Variants in UBE2E3 observed in about 807,000 individuals in gnomAD.
UBE2E3 encodes the protein ubiquitin conjugating enzyme E2 E3.
A neutral mutation model predicts 23.6 loss-of-function variants in UBE2E3; 5 were observed. The ratio of observed to expected loss-of-function variants is 0.21; its 90% CI spans 0.11 to 0.44. UBE2E3 has a LOEUF of 0.44. UBE2E3 is among the 20% of genes least tolerant of loss of function. The pLI is 0.99. For synonymous variants in UBE2E3, 78 were observed against 87.5 expected (o/e 0.89, Z 0.60); for missense variants, 81 against 249.8 (o/e 0.32, Z 4.55).
At chr2:181,038,752 C>G (rs535171764) in intron 3 of UBE2E3, among the ~76,000 whole-genome samples, 1 of 152,244 alleles carries the variant, frequency 6.6e-6, no homozygotes, top group Non-Finnish European at 1.5e-5. Context: ...TCTTAATAGA[C>G]AAACCAATTT....
intron 3 of UBE2E3, among the ~76,000 whole-genome samples, chr2:181,017,049 G>A (rs1685513623): frequency 6.6e-6 from 1 of 152,220 alleles, no homozygotes. Context: ...AGAGTGAGGA[G>A]CAGCTGGATT....
chr2:181,050,204 A>AG (rs1686783683), intron 3 of UBE2E3, among the ~76,000 whole-genome samples: 1 of 151,962 alleles, frequency 6.6e-6, no homozygotes, highest in Non-Finnish European at 1.5e-5. Flanking sequence ...CAGTTATTGA[A>AG]GGTGTTTCAA....
chr2:181,043,902 GTGATTTAACCGTTAT>G (rs1043038172), intron 3 of UBE2E3, among the ~76,000 whole-genome samples: 7 of 152,128 alleles, frequency 4.6e-5, no homozygotes, highest in Admixed American at 6.6e-5. Context: ...AAAACCGTAA[GTGATTTAACCGTTAT>G]TTCGTTGGAC....
intron 3 of UBE2E3, among the ~76,000 whole-genome samples, chr2:180,999,626 C>T (rs1684934585): frequency 6.6e-6 from 1 of 151,766 alleles, no homozygotes; most frequent in Non-Finnish European, 1.5e-5. Flanking sequence ...AGGCACCCTC[C>T]CGCCCTCCAC....
chr2:181,007,959 T>G (rs919322096), intron 3 of UBE2E3, among the ~76,000 whole-genome samples: 4 of 152,252 alleles, frequency 2.6e-5, no homozygotes, highest in African/African-American at 9.6e-5. Context: ...GAAAAGTTTG[T>G]TAATCCTTAT....
chr2:181,001,664 C>T (rs1684994634), intron 3 of UBE2E3, among the ~76,000 whole-genome samples: 1 of 152,056 alleles, frequency 6.6e-6, no homozygotes, highest in Non-Finnish European at 1.5e-5. Flanking sequence ...CATGTAAAGG[C>T]CATAGGAAAT....
intron 3 of UBE2E3, among the ~76,000 whole-genome samples, chr2:181,025,660 A>C (rs1685861616): frequency 6.6e-6 from 1 of 151,924 alleles, no homozygotes; most frequent in Admixed American, 6.6e-5. Flanking sequence ...GGCCATTATT[A>C]ATTTTGTATT....
chr2:181,009,662 C>G (rs1685258325), intron 3 of UBE2E3, among the ~76,000 whole-genome samples: 2 of 151,968 alleles, frequency 1.3e-5, no homozygotes, highest in South Asian at 4.1e-4. Context: ...AGTGAACATA[C>G]TATTTTCTTT....
At chr2:181,058,481 C>G (rs1441848998) in intron 4 of UBE2E3, among the ~76,000 whole-genome samples, 1 of 151,586 alleles carries the variant, frequency 6.6e-6, no homozygotes, top group Admixed American at 6.6e-5. Flanking sequence ...TTGAATGGCT[C>G]CCTCCGCTAA....
intron 3 of UBE2E3, among the ~76,000 whole-genome samples, chr2:181,014,081 A>AT (rs1292529197): frequency 2.6e-5 from 4 of 152,150 alleles, no homozygotes; most frequent in Admixed American, 6.6e-5. Flanking sequence ...AAAGATGTGG[A>AT]TGGTGAAGGA....
intron 3 of UBE2E3, among the ~76,000 whole-genome samples, chr2:181,027,065 T>C (rs1559126537): frequency 1.3e-5 from 2 of 152,074 alleles, no homozygotes; most frequent in East Asian, 1.9e-4. Flanking sequence ...TTCTAACTTA[T>C]CCTACTACTA....
chr2:180,997,371 C>T lies in UBE2E3; in HGVS notation c.245+13278C>T, dbSNP rs544455929. 7.4e-4 allele frequency among the ~76,000 whole-genome samples: 112 copies of T among 151,728 alleles called. 3 individuals carry two copies. The South Asian group carries it at 0.023, about 31-fold the overall frequency. On this transcript the variant is annotated intron_variant, in intron 3 of 5. Coordinates refer to ENST00000410062, the MANE Select transcript of UBE2E3 (RefSeq NM_006357.4). Reference sequence around the variant, plus strand: ...GTAATACTAGCTGTTAGTATTTTTTCATATGACTTATTCTGTTTCTTTTTT... The same window carrying T: ...GTAATACTAGCTGTTAGTATTTTTTTATATGACTTATTCTGTTTCTTTTTT...
At position 181,033,472 on chromosome 2, in the gene UBE2E3, G is replaced by T. The variant is rs190579239; in HGVS notation, c.246-24221G>T. Reference sequence around the variant, plus strand: ...TAAATGGTGCTGGGAAAAGTGGCTAGCCATATGTAGAAAGCTGAAACTGGA... The same window carrying T: ...TAAATGGTGCTGGGAAAAGTGGCTATCCATATGTAGAAAGCTGAAACTGGA... On this transcript the variant is annotated intron_variant, in intron 3 of 5. Transcript: ENST00000410062. Among the ~76,000 whole-genome samples, 15 of 152,330 alleles carry T rather than the reference G, an allele frequency of 9.8e-5. No individual in the cohort carries two copies. The East Asian group carries it at 2.7e-3, about 27-fold the overall frequency.
At chr2:181,019,945 C>G (rs1685621748) in intron 3 of UBE2E3, among the ~76,000 whole-genome samples, 1 of 152,104 alleles carries the variant, frequency 6.6e-6, no homozygotes, top group Admixed American at 6.5e-5. Context: ...ATCTCCAGAA[C>G]TTGTTCATCT....
chr2:180,992,024 ATTAC>A (rs1384349869), intron 3 of UBE2E3, among the ~76,000 whole-genome samples: 2 of 152,186 alleles, frequency 1.3e-5, no homozygotes, highest in Non-Finnish European at 2.9e-5. Flanking sequence ...CATGACTGAA[ATTAC>A]TTACTACTCA....
chr2:181,013,977 G>A (rs192860284), intron 3 of UBE2E3, among the ~76,000 whole-genome samples: 2 of 152,274 alleles, frequency 1.3e-5, no homozygotes, highest in South Asian at 4.1e-4. Context: ...GCTTCTAATA[G>A]TCTAGGAAGG....
chr2:181,011,340 G>A (rs1451055116), intron 3 of UBE2E3, among the ~76,000 whole-genome samples: 5 of 152,088 alleles, frequency 3.3e-5, no homozygotes, highest in Non-Finnish European at 7.4e-5. Context: ...GGGGTGATAA[G>A]GAGGTAGGGA....
chr2:181,051,573 A>G (rs1686845911), intron 3 of UBE2E3, among the ~76,000 whole-genome samples: 1 of 151,790 alleles, frequency 6.6e-6, no homozygotes, highest in Non-Finnish European at 1.5e-5. Context: ...CCCATTACTC[A>G]TACTGAGATG....
chr2:180,989,796 G>C (rs982191077), intron 3 of UBE2E3: 1 of 1,385,870 alleles, frequency 7.2e-7, no homozygotes, highest in African/African-American at 1.4e-5. Context: ...CACATAACCA[G>C]TCATATTCCT....
Sources: gnomAD v4.1 joint callset for allele counts (sites outside exome capture counted in the v4.1 genomes callset) on GRCh38, gnomAD v4.1.1 for gene constraint, MANE v1.5 for transcripts, NCBI Gene and HGNC (gene_info 2026-07-23, HGNC 2026-07-21) for gene names.